The following DLGAP2 variants were observed in gnomAD, a reference collection of about 807,000 sequenced individuals.
DLGAP2 encodes disks large-associated protein 2.
A neutral mutation model predicts 100.3 loss-of-function variants in DLGAP2; 26 were observed. That is an observed-to-expected ratio of 0.26 (90% CI 0.19 to 0.36). The LOEUF (loss-of-function observed/expected upper bound fraction) is 0.36, where lower values mean the gene tolerates loss of function less well. DLGAP2 is among the 10% of genes least tolerant of loss of function. The probability of loss-of-function intolerance (pLI) is 1.00; values close to 1 mark genes in which losing one functional copy is unlikely to be tolerated. For missense variants in DLGAP2, 1,858 were observed against 1,453.2 expected (o/e 1.28, Z -4.53); for synonymous variants, 886 against 630.1 (o/e 1.41, Z -6.08).
At chr8:1,492,517 G>A (rs1799417835) in intron 3 of DLGAP2, among the ~76,000 whole-genome samples, 1 of 152,216 alleles carries the variant, frequency 6.6e-6, no homozygotes, top group Admixed American at 6.5e-5. Flanking sequence ...CGTTCCGGAA[G>A]CAGCTCCTGT....
At chr8:1,205,498 G>GGGACCC (rs1683679123) in intron 2 of DLGAP2, among the ~76,000 whole-genome samples, 1 of 152,164 alleles carries the variant, frequency 6.6e-6, no homozygotes, top group African/African-American at 2.4e-5. Flanking sequence ...AATTGACAGG[G>GGGACCC]GGACCCTCTG....
intron 8 of DLGAP2, among the ~76,000 whole-genome samples, chr8:1,653,522 T>A (rs373805032): frequency 6.6e-6 from 1 of 151,220 alleles, no homozygotes; most frequent in East Asian, 1.9e-4. Flanking sequence ...GCTCTGGAGG[T>A]TCACAGAGCA....
intron 13 of DLGAP2, 93 bp from the exon 14 acceptor site, chr8:1,697,054 C>G (rs1157171246): frequency 7.6e-7 from 1 of 1,322,988 alleles, no homozygotes; most frequent in African/African-American, 1.5e-5. Context: ...CCTAATCCGC[C>G]TCTTGAAAGG....
chr8:1,600,749 TG>T (rs1331170455), intron 6 of DLGAP2, among the ~76,000 whole-genome samples: 23 of 152,250 alleles, frequency 1.5e-4, no homozygotes, highest in African/African-American at 5.5e-4. Flanking sequence ...TTCTCTAAAC[TG>T]GTTATTCTAG....
chr8:1,302,134 C>T (rs1800359196), intron 3 of DLGAP2: 1 of 152,526 alleles, frequency 6.6e-6, no homozygotes, highest in Non-Finnish European at 1.5e-5. Flanking sequence ...TTGCTCCATA[C>T]CTGGGACGGG....
At chr8:917,900 G>A (rs1290062824) in intron 2 of DLGAP2, among the ~76,000 whole-genome samples, 2 of 152,162 alleles carry the variant, frequency 1.3e-5, no homozygotes, top group Non-Finnish European at 2.9e-5. Flanking sequence ...CTTTTGTGAG[G>A]TAAAGTTGAT....
intron 1 of DLGAP2, among the ~76,000 whole-genome samples, chr8:762,162 C>T (rs1165087050): frequency 6.6e-6 from 1 of 152,142 alleles, no homozygotes; most frequent in Non-Finnish European, 1.5e-5. Context: ...AAAACATAAT[C>T]CTAGAAGTAA....
At chr8:1,438,463 C>T (rs903494905) in intron 3 of DLGAP2, among the ~76,000 whole-genome samples, 5 of 151,916 alleles carry the variant, frequency 3.3e-5, no homozygotes, top group Admixed American at 2.6e-4. Flanking sequence ...AGTAACAAGG[C>T]CCAAAGAGCT....
chr8:1,158,704 CTTT>C (rs956566084), intron 2 of DLGAP2, among the ~76,000 whole-genome samples: 1 of 152,236 alleles, frequency 6.6e-6, no homozygotes, highest in African/African-American at 2.4e-5. Flanking sequence ...CAGCTTTGAC[CTTT>C]GTGGGCTGCG....
At chr8:1,110,113 T>C (rs1381660498) in intron 2 of DLGAP2, among the ~76,000 whole-genome samples, 1 of 141,522 alleles carries the variant, frequency 7.1e-6, no homozygotes, top group African/African-American at 2.7e-5. Flanking sequence ...TGCATGGGTC[T>C]GTGAGGTGTG....
At chr8:781,102 C>T (rs931253119) in intron 1 of DLGAP2, among the ~76,000 whole-genome samples, 1 of 152,110 alleles carries the variant, frequency 6.6e-6, no homozygotes, top group East Asian at 1.9e-4. Flanking sequence ...TTATTATTGA[C>T]TGATCTTTAT....
At chr8:774,890 G>T (rs1339742260) in intron 1 of DLGAP2, among the ~76,000 whole-genome samples, 23 of 146,516 alleles carry the variant, frequency 1.6e-4, no homozygotes, top group African/African-American at 3.0e-4. Flanking sequence ...GTGAAGAAAG[G>T]CATTGGTAGC....
chr8:1,177,623 C>T (rs894044678), intron 2 of DLGAP2, among the ~76,000 whole-genome samples: 3 of 152,124 alleles, frequency 2.0e-5, no homozygotes, highest in Non-Finnish European at 4.4e-5. Context: ...CTGTCTTAGT[C>T]CATTTGGGCA....
At chr8:1,254,154 C>A (rs999283427) in intron 2 of DLGAP2, among the ~76,000 whole-genome samples, 1 of 152,174 alleles carries the variant, frequency 6.6e-6, no homozygotes. Flanking sequence ...GAGGGCTGGT[C>A]ACAGATCCCA....
chr8:1,027,807 G>A (rs1470003003), intron 2 of DLGAP2, among the ~76,000 whole-genome samples: 8 of 130,466 alleles, frequency 6.1e-5, no homozygotes, highest in Non-Finnish European at 1.1e-4. Flanking sequence ...GGTGTCAGGC[G>A]CCCGTTATTC....
rs576840406 is a variant in DLGAP2 at position 1,177,770 on chromosome 8, C to T, written c.74-81081C>T. Among the ~76,000 whole-genome samples the T allele has an allele frequency of 7.9e-5, 12 of 152,272 alleles. No homozygotes were observed. In the East Asian group the frequency reaches 1.9e-3, roughly 25 times the overall value. ...GAGGGCTGCTTCCTGGTGTGTAGACCACACCTGCTGTGCCCTCACAGGGTA... is the reference window on the plus strand; with the variant it reads ...GAGGGCTGCTTCCTGGTGTGTAGACTACACCTGCTGTGCCCTCACAGGGTA... On this transcript the variant is annotated intron_variant, in intron 2 of 14. Transcript: ENST00000637795.
intron 3 of DLGAP2, among the ~76,000 whole-genome samples, chr8:1,489,919 T>C (rs1799330178): frequency 1.3e-5 from 2 of 152,000 alleles, no homozygotes; most frequent in Admixed American, 6.6e-5. Context: ...TAAGATGGAG[T>C]CTCACTCTGT....
intron 2 of DLGAP2, among the ~76,000 whole-genome samples, chr8:969,358 T>C (rs917086384): frequency 6.6e-5 from 10 of 152,208 alleles, no homozygotes; most frequent in Non-Finnish European, 1.0e-4. Flanking sequence ...CATGCGCGAG[T>C]GAGCCAATCC....
chr8:1,575,209 C>T (rs1478398645), intron 6 of DLGAP2, among the ~76,000 whole-genome samples: 3 of 152,056 alleles, frequency 2.0e-5, no homozygotes, highest in East Asian at 3.9e-4. Context: ...TGTGACTTGG[C>T]GATTGTGAGC....
Sources: allele counts gnomAD v4.1 joint callset (sites outside exome capture counted in the v4.1 genomes callset), GRCh38; gene constraint gnomAD v4.1.1; transcripts MANE v1.5; gene names NCBI Gene and HGNC (gene_info 2026-07-23, HGNC 2026-07-21).